Variants in NYAP2 observed in about 807,000 individuals in gnomAD.
NYAP2 encodes the protein neuronal tyrosine-phosphorylated phosphoinositide-3-kinase adapter 2.
A neutral mutation model predicts 50.4 loss-of-function variants in NYAP2; 23 were observed. The ratio of observed to expected loss-of-function variants is 0.46; its 90% CI spans 0.33 to 0.65. The LOEUF (loss-of-function observed/expected upper bound fraction) is 0.65, where lower values mean the gene tolerates loss of function less well. NYAP2 is among the 30% of genes least tolerant of loss of function. The probability of loss-of-function intolerance (pLI) is 0.02; values close to 1 mark genes in which losing one functional copy is unlikely to be tolerated. For missense variants in NYAP2, 885 were observed against 861.0 expected (o/e 1.03, Z -0.35); for synonymous variants, 394 against 365.2 (o/e 1.08, Z -0.90).
At chr2:225,698,140 C>T in the NYAP2 span, 12 of 151,990 alleles carry the variant, frequency 7.9e-5, no homozygotes, top group East Asian at 2.0e-4. Context: ...ATTGCATCAT[C>T]GTATTCTTAG....
intron 4 of NYAP2, among the ~76,000 whole-genome samples, chr2:225,546,129 A>T (rs1021840296): frequency 7.2e-5 from 11 of 152,136 alleles, no homozygotes; most frequent in African/African-American, 2.7e-4. Context: ...ACTGGATCAG[A>T]CCTGAACCCA....
intron 3 of NYAP2, among the ~76,000 whole-genome samples, chr2:225,483,459 C>T (rs1371738738): frequency 1.3e-5 from 2 of 152,182 alleles, no homozygotes; most frequent in Non-Finnish European, 2.9e-5. Flanking sequence ...TGTTTTCTTA[C>T]TCAGTTCTAC....
At chr2:225,581,537 C>A (rs1692267624) in intron 4 of NYAP2, among the ~76,000 whole-genome samples, 2 of 152,130 alleles carry the variant, frequency 1.3e-5, no homozygotes, top group South Asian at 4.1e-4. Context: ...TATTTTTGAC[C>A]AATAGTGCTA....
chr2:225,491,815 T>C (rs550231541), intron 3 of NYAP2, among the ~76,000 whole-genome samples: 11 of 152,346 alleles, frequency 7.2e-5, no homozygotes, highest in Non-Finnish European at 1.5e-4. Context: ...TGCATGATAC[T>C]TCATATAAAG....
chr2:225,556,126 A>G (rs1294660951), intron 4 of NYAP2, among the ~76,000 whole-genome samples: 2 of 152,108 alleles, frequency 1.3e-5, no homozygotes, highest in Non-Finnish European at 2.9e-5. Context: ...TCTCTGTTCC[A>G]TTTGTTTATA....
At chr2:225,687,353 T>C in the NYAP2 span, among the ~76,000 whole-genome samples, 13 of 152,256 alleles carry the variant, frequency 8.5e-5, no homozygotes, top group Admixed American at 6.5e-4. Flanking sequence ...ATGTTTATTT[T>C]ATAGATTGTG....
chr2:225,434,899 A>T (rs1043967599), intron 3 of NYAP2, among the ~76,000 whole-genome samples: 2 of 152,202 alleles, frequency 1.3e-5, no homozygotes, highest in Non-Finnish European at 2.9e-5. Context: ...ATCATATATG[A>T]TTAGACTTGT....
chr2:225,640,755 C>T (rs754098184), intron 6 of NYAP2, among the ~76,000 whole-genome samples: 2 of 152,110 alleles, frequency 1.3e-5, no homozygotes, highest in Non-Finnish European at 2.9e-5. Context: ...GCAAAGTCAG[C>T]TAATTACCTG....
chr2:225,524,237 A>G (rs1024799342), intron 4 of NYAP2, among the ~76,000 whole-genome samples: 1 of 152,208 alleles, frequency 6.6e-6, no homozygotes, highest in African/African-American at 2.4e-5. Context: ...GCCCTGGCAA[A>G]CCACTGGTGT....
At chr2:225,673,252 C>A in the NYAP2 span, among the ~76,000 whole-genome samples, 1 of 151,962 alleles carries the variant, frequency 6.6e-6, no homozygotes. Context: ...CCCACCAGGT[C>A]CCTCCCACAA....
intron 3 of NYAP2, among the ~76,000 whole-genome samples, chr2:225,436,739 C>CAAAAAAAA (rs755609110): frequency 9.1e-6 from 1 of 109,434 alleles, no homozygotes; most frequent in African/African-American, 3.0e-5. Context: ...TCTGTATAGT[C>CAAAAAAAA]AAAAAAAAAA....
At chr2:225,630,816 G>T (rs1693298565) in intron 6 of NYAP2, among the ~76,000 whole-genome samples, 1 of 152,212 alleles carries the variant, frequency 6.6e-6, no homozygotes, top group Non-Finnish European at 1.5e-5. Flanking sequence ...TTGGGTGACT[G>T]GGAAGTCATT....
intron 4 of NYAP2, among the ~76,000 whole-genome samples, chr2:225,524,422 T>C (rs1691118017): frequency 6.6e-6 from 1 of 152,172 alleles, no homozygotes. Flanking sequence ...CCTATCAAGA[T>C]TGAGGGTGAG....
At chr2:225,542,866 T>C (rs1691502194) in intron 4 of NYAP2, among the ~76,000 whole-genome samples, 1 of 152,146 alleles carries the variant, frequency 6.6e-6, no homozygotes, top group Non-Finnish European at 1.5e-5. Flanking sequence ...AAATGTTTGG[T>C]AGAATTCAGC....
At chr2:225,541,608 T>A (rs1259645694) in intron 4 of NYAP2, among the ~76,000 whole-genome samples, 9 of 152,156 alleles carry the variant, frequency 5.9e-5, no homozygotes, top group African/African-American at 2.2e-4. Context: ...TTTAGATATA[T>A]GAATTTGTTT....
chr2:225,415,956 A>G (rs181263143), intron 3 of NYAP2, among the ~76,000 whole-genome samples: 5 of 152,260 alleles, frequency 3.3e-5, no homozygotes, highest in Admixed American at 3.3e-4. Context: ...TCTTGCTGGA[A>G]TGAATCAGCT....
intron 5 of NYAP2, among the ~76,000 whole-genome samples, chr2:225,592,761 AG>A (rs1692530870): frequency 1.3e-5 from 2 of 152,300 alleles, no homozygotes; most frequent in South Asian, 4.1e-4. Context: ...GGTAGACCGC[AG>A]CTGTCCTTGA....
At chr2:225,697,889 T>G in the NYAP2 span, among the ~76,000 whole-genome samples, 7 of 151,936 alleles carry the variant, frequency 4.6e-5, no homozygotes, top group East Asian at 1.9e-4. Flanking sequence ...TCAGAGTTTT[T>G]GGACTGGGCA....
chr2:225,487,261 G>A (rs1024683546), intron 3 of NYAP2, among the ~76,000 whole-genome samples: 17 of 152,222 alleles, frequency 1.1e-4, no homozygotes, highest in African/African-American at 4.1e-4. Flanking sequence ...GATCTCTCAG[G>A]AACACTGGTC....
Sources: gnomAD v4.1 joint callset for allele counts (sites outside exome capture counted in the v4.1 genomes callset) on GRCh38, gnomAD v4.1.1 for gene constraint, MANE v1.5 for transcripts, NCBI Gene and HGNC (gene_info 2026-07-23, HGNC 2026-07-21) for gene names.